The following FXYD7 variants were observed in gnomAD, a reference collection of about 807,000 sequenced individuals.
FXYD7 encodes the protein FXYD domain containing ion transport regulator 7, also known as FXYD domain-containing ion transport regulator 7.
In FXYD7, 7 loss-of-function variants were observed where a neutral mutation model predicts 15.3. The observed-to-expected ratio is 0.46, with a 90% CI of 0.26 to 0.86. The LOEUF (loss-of-function observed/expected upper bound fraction) is 0.86. Among genes scored for constraint, FXYD7 ranks in the 40% least tolerant of loss-of-function variants. FXYD7 has a pLI of 0.16. For synonymous variants in FXYD7, 39 were observed against 39.3 expected (o/e 0.99, Z 0.03); for missense variants, 78 against 100.6 (o/e 0.78, Z 0.96).
chr19:35,144,845 G>A (rs2145393970), intron 1 of FXYD7, among the ~76,000 whole-genome samples: 1 of 152,300 alleles, frequency 6.6e-6, no homozygotes, highest in African/African-American at 2.4e-5. Context: ...CAGCATGACA[G>A]GGGACCGCAG....
chr19:35,147,703 G>A (rs2065293259), intron 1 of FXYD7, among the ~76,000 whole-genome samples: 1 of 152,210 alleles, frequency 6.6e-6, no homozygotes, highest in African/African-American at 2.4e-5. Flanking sequence ...TTAGAAATAA[G>A]TAATAATGGG....
intron 1 of FXYD7, among the ~76,000 whole-genome samples, chr19:35,148,026 G>GGAAA (rs59209064): frequency 0.058 from 5,095 of 88,310 alleles, 195 homozygotes; most frequent in Non-Finnish European, 0.062. Flanking sequence ...GAAGAAAGAA[G>GGAAA]GAAAGAAAGA....
intron 2 of FXYD7, 35 bp from the exon 3 acceptor site, chr19:35,151,219 G>T: frequency 7.2e-7 from 1 of 1,395,060 alleles, no homozygotes; most frequent in Non-Finnish European, 1.0e-6. Flanking sequence ...CCAAGGTGCT[G>T]TCCCTGCCTC....
At chr19:35,152,286 C>T (rs1329967571) in intron 5 of FXYD7, among the ~76,000 whole-genome samples, 2 of 150,068 alleles carry the variant, frequency 1.3e-5, no homozygotes, top group African/African-American at 4.9e-5. Flanking sequence ...ATGCTCAAGC[C>T]TATAAAAGCC....
intron 2 of FXYD7, chr19:35,149,156 A>G (rs2145397255): frequency 2.5e-6 from 1 of 407,890 alleles, no homozygotes; most frequent in East Asian, 7.2e-5. Flanking sequence ...TGTGGGAAAG[A>G]TACCTGACTG....
At chr19:35,151,976 T>TA (rs1391187694) in intron 5 of FXYD7, among the ~76,000 whole-genome samples, 4 of 151,084 alleles carry the variant, frequency 2.6e-5, no homozygotes, top group Non-Finnish European at 5.9e-5. Context: ...CCGTCTCTGC[T>TA]AAAAATGCAA....
rs2065328027 is a variant in FXYD7 at position 35,153,977 on chromosome 19, T to A, written c.*61T>A. ...TGAGCGCGGGAGCCTGAGGACCGGG[T>A]GGAGGCGGTGGGGACCCAGCCGCGC... On this transcript the variant is annotated 3_prime_UTR_variant, in exon 6 of 6. Coordinates refer to ENST00000270310, the MANE Select transcript of FXYD7 (RefSeq NM_022006.2). 2 of 1,543,372 alleles carry A rather than the reference T, an allele frequency of 1.3e-6. No individual in the cohort carries two copies.
rs368340429 is a variant in FXYD7, at chr19:35,151,336, C to G, written c.136+8C>G. The G allele has an allele frequency of 3.1e-6, 5 of 1,599,318 alleles. No individual in the cohort carries two copies. In the South Asian group the frequency reaches 4.4e-5, roughly 14 times the overall value. The stretch of plus-strand genomic sequence containing the variant: ...GTATCCTCATCGTCATCAGTAAGTG[C>G]GACCCATTCCTGGGCTGCCTCAGCC... On this transcript the variant is annotated splice_region_variant and intron_variant, in intron 3 of 5. Transcript: ENST00000270310.
At chr19:35,153,060 T>G (rs1281800216) in intron 5 of FXYD7, among the ~76,000 whole-genome samples, 1 of 136,920 alleles carries the variant, frequency 7.3e-6, no homozygotes, top group African/African-American at 2.8e-5. Context: ...TTTTTTTTTT[T>G]TTGAGACAGA....
chr19:35,152,509 G>T (rs1003657106), intron 5 of FXYD7, among the ~76,000 whole-genome samples: 1 of 152,102 alleles, frequency 6.6e-6, no homozygotes, highest in African/African-American at 2.4e-5. Context: ...CTGAATAGTT[G>T]CATCAAAATA....
At chr19:35,153,845 G>A in intron 5 of FXYD7, 49 bp from the exon 6 acceptor site, 1 of 1,594,996 alleles carries the variant, frequency 6.3e-7, no homozygotes, top group Non-Finnish European at 8.6e-7. Flanking sequence ...TGTGGGGAGG[G>A]AGGCAGTTTC....
chr19:35,153,095 A>C (rs1450733494), intron 5 of FXYD7, among the ~76,000 whole-genome samples: 2 of 111,670 alleles, frequency 1.8e-5, no homozygotes, highest in Non-Finnish European at 1.6e-5. Context: ...TCTGTTGCCC[A>C]GGCTGGAGTG....
rs1335002904 is a variant in FXYD7, at chr19:35,153,041, T to G, written c.221-853T>G. Among the ~76,000 whole-genome samples, 15 of 116,550 alleles carry G rather than the reference T, an allele frequency of 1.3e-4. 1 individual carries two copies. The South Asian group carries it at 1.7e-3, about 13-fold the overall frequency. The allele number at this position is 116,550 out of a possible 152,430, so 76.5% of individuals were successfully genotyped here. A position where few individuals can be genotyped will look rare whatever the true frequency, so the allele number is the denominator to read the frequency against. ...GAATTTGTTTCACGTTCCTTTTTTT[T>G]TTTTTTTTTTTTTTTTTTTTTGAGA... On this transcript the variant is annotated intron_variant, in intron 5 of 5. Transcript: ENST00000270310.
At chr19:35,151,375 C>T in intron 3 of FXYD7, 47 bp downstream of exon 3, 2 of 1,599,178 alleles carry the variant, frequency 1.3e-6, no homozygotes, top group Non-Finnish European at 1.7e-6. Context: ...GCTTCCTCTG[C>T]TGGCTTTCAT....
chr19:35,145,289 T>C (rs1357619595), intron 1 of FXYD7, among the ~76,000 whole-genome samples: 2 of 152,212 alleles, frequency 1.3e-5, no homozygotes, highest in Non-Finnish European at 2.9e-5. Context: ...GTAGTGCACA[T>C]TCCTTTGCCT....
intron 1 of FXYD7, 70 bp from the exon 2 acceptor site, chr19:35,148,624 T>C: frequency 7.4e-7 from 1 of 1,352,700 alleles, no homozygotes. Context: ...ATCTGGATCC[T>C]AAAAAATATT....
At chr19:35,153,780 T>C (rs2065326115) in intron 5 of FXYD7, 114 bp from the exon 6 acceptor site, 1 of 923,632 alleles carries the variant, frequency 1.1e-6, no homozygotes, top group African/African-American at 1.6e-5. Flanking sequence ...AGCTCTGGGG[T>C]GACAGTCCCT....
chr19:35,150,966 C>T (rs757568911), intron 2 of FXYD7, among the ~76,000 whole-genome samples: 6 of 151,764 alleles, frequency 4.0e-5, no homozygotes, highest in Non-Finnish European at 8.8e-5. Context: ...AGAACCAGGG[C>T]CAGGGAGGAG....
At chr19:35,148,569 G>T in intron 1 of FXYD7, 125 bp from the exon 2 acceptor site, 1 of 770,326 alleles carries the variant, frequency 1.3e-6, no homozygotes. Flanking sequence ...AAACCAAGGG[G>T]TCTCTATCTG....
Sources: gnomAD v4.1 joint callset for allele counts (sites outside exome capture counted in the v4.1 genomes callset) on GRCh38, gnomAD v4.1.1 for gene constraint, MANE v1.5 for transcripts, NCBI Gene and HGNC (gene_info 2026-07-23, HGNC 2026-07-21) for gene names.